The following IFNGR2 variants were observed in gnomAD, a reference collection of about 807,000 sequenced individuals.
IFNGR2 encodes the protein IFN-gamma receptor 2.
In IFNGR2, 15 loss-of-function variants were observed where a neutral mutation model predicts 41.1. That is an observed-to-expected ratio of 0.37 (90% CI 0.24 to 0.56). The LOEUF is 0.56. Ranked by LOEUF, IFNGR2 falls within the 20% of genes least tolerant of loss-of-function variation. IFNGR2 has a pLI of 0.81. For missense variants in IFNGR2, 362 were observed against 415.7 expected (o/e 0.87, Z 1.12); for synonymous variants, 161 against 171.6 (o/e 0.94, Z 0.48).
At chr21:33,436,079 C>T (rs1170810845) in intron 6 of IFNGR2, among the ~76,000 whole-genome samples, 2 of 151,356 alleles carry the variant, frequency 1.3e-5, no homozygotes, top group African/African-American at 4.9e-5. Flanking sequence ...AAATTGTTGC[C>T]GGGTGCAGTG....
chr21:33,429,329 GCA>G (rs2083865842), intron 4 of IFNGR2, among the ~76,000 whole-genome samples: 2 of 109,292 alleles, frequency 1.8e-5, no homozygotes, highest in African/African-American at 7.3e-5. Context: ...CCAGGACTCA[GCA>G]CAGAGTCACA....
Position 33,437,120 on chromosome 21 carries a change from G to T in IFNGR2, c.*158G>T. 1 of 606,448 alleles carries T rather than the reference G, an allele frequency of 1.6e-6. No individual in the cohort carries two copies. Among genetic ancestry groups the T allele is most frequent in the East Asian group, 3.0e-5 (1 of 33,868 alleles). The allele number at this position is 606,448 out of a possible 1,614,324, so 37.6% of individuals were successfully genotyped here. The stretch of plus-strand genomic sequence containing the variant: ...GAGAGACAGCAGGTCTCATGGGGGT[G>T]ACAAGCTTTTTTTTTTTTTCTTAAA... On this transcript the variant is annotated 3_prime_UTR_variant, in exon 7 of 7. Coordinates refer to ENST00000290219, the MANE Select transcript of IFNGR2 (RefSeq NM_005534.4).
Position 33,432,323 on chromosome 21 carries a change from A to T in IFNGR2, c.708A>T (p.Glu236Asp), listed in dbSNP as rs121913212. ...ATTTAAGCAACATATCTTGCTACGA[A>T]ACAATGGCAGATGGTAAAATATACC... ...VGHLSNISCY[E>D]TMADASTELQ... The change falls in exon 5 of 7, where the codon GAA (glutamate) becomes GAT (aspartate). Residue 236 changes from glutamate (E) to aspartate (D), a missense_variant. By Grantham distance (45) the Glu-to-Asp change is conservative (BLOSUM62 2). Coordinates refer to ENST00000290219, the MANE Select transcript of IFNGR2 (RefSeq NM_005534.4). 635 of 1,614,048 alleles carry T rather than the reference A, an allele frequency of 3.9e-4. 1 individual carries two copies. In the African/African-American group the frequency reaches 7.8e-3, roughly 20 times the overall value.
At chr21:33,420,496 T>C (rs2083784120) in intron 2 of IFNGR2, among the ~76,000 whole-genome samples, 1 of 152,148 alleles carries the variant, frequency 6.6e-6, no homozygotes, top group Admixed American at 6.5e-5. Context: ...GGTTTTCATA[T>C]GGGTGAGACA....
At chr21:33,430,088 G>A (rs774100615) in intron 4 of IFNGR2, among the ~76,000 whole-genome samples, 22 of 152,232 alleles carry the variant, frequency 1.4e-4, no homozygotes, top group Non-Finnish European at 2.6e-4. Flanking sequence ...GCAGTGAGTC[G>A]AGATCACACT....
At chr21:33,410,870 C>G in intron 1 of IFNGR2, 1 of 1,547,552 alleles carries the variant, frequency 6.5e-7, no homozygotes, top group Non-Finnish European at 8.7e-7. Flanking sequence ...AAGAATGGTG[C>G]AATGATTCAG....
At chr21:33,426,842 T>C in intron 3 of IFNGR2, 42 bp from the exon 4 acceptor site, 1 of 1,503,220 alleles carries the variant, frequency 6.7e-7, no homozygotes, top group Non-Finnish European at 9.3e-7. Context: ...CTATAATACA[T>C]ATGTGTATGT....
chr21:33,423,291 G>A (rs1279921699), intron 3 of IFNGR2, among the ~76,000 whole-genome samples: 4 of 151,186 alleles, frequency 2.6e-5, no homozygotes, highest in East Asian at 2.0e-4. Flanking sequence ...CGCCCGCCTC[G>A]GCCTCCCAAA....
intron 1 of IFNGR2, among the ~76,000 whole-genome samples, chr21:33,406,039 AAAAC>A (rs553148817): frequency 7.6e-4 from 115 of 152,054 alleles, no homozygotes; most frequent in Middle Eastern, 6.8e-3. Context: ...CAAAAAAACA[AAAAC>A]AAACAAATAA....
chr21:33,422,816 G>A (rs1289746752), intron 3 of IFNGR2, among the ~76,000 whole-genome samples: 1 of 137,850 alleles, frequency 7.3e-6, no homozygotes, highest in Non-Finnish European at 1.5e-5. Context: ...GGCAGAGGTT[G>A]TGGTGAGCTG....
intron 3 of IFNGR2, 88 bp from the exon 4 acceptor site, chr21:33,426,796 T>C (rs757685822): frequency 1.5e-5 from 11 of 714,812 alleles, no homozygotes; most frequent in Admixed American, 2.5e-5. Flanking sequence ...TATATATACA[T>C]ATATATATAG....
chr21:33,415,402 G>A (rs1468310829), intron 2 of IFNGR2, among the ~76,000 whole-genome samples: 1 of 152,156 alleles, frequency 6.6e-6, no homozygotes, highest in African/African-American at 2.4e-5. Context: ...ACCAAATATG[G>A]CCTGATCAGA....
chr21:33,407,652 G>C (rs937169369), intron 1 of IFNGR2, among the ~76,000 whole-genome samples: 1 of 152,230 alleles, frequency 6.6e-6, no homozygotes, highest in African/African-American at 2.4e-5. Flanking sequence ...TGGGAATGCA[G>C]TGGCGCTATC....
intron 1 of IFNGR2, among the ~76,000 whole-genome samples, chr21:33,413,170 C>A (rs73194070): frequency 0.18 from 27,903 of 152,134 alleles, 2,645 homozygotes; most frequent in Non-Finnish European, 0.21. Flanking sequence ...CTGCCACCAC[C>A]CCCCTCTGGA....
intron 6 of IFNGR2, among the ~76,000 whole-genome samples, chr21:33,435,882 C>CAAAAAA (rs35251279): frequency 4.1e-5 from 2 of 48,242 alleles, no homozygotes; most frequent in African/African-American, 9.8e-5. Context: ...GACTCCGTCT[C>CAAAAAA]AAAAAAAAAA....
At position 33,426,877 on chromosome 21, in the gene IFNGR2, T is replaced by C; in HGVS notation, c.413-7T>C. 1 of 1,613,048 alleles carries C rather than the reference T, an allele frequency of 6.2e-7. No homozygotes were observed. Among genetic ancestry groups the C allele is most frequent in the Non-Finnish European group, 8.5e-7 (1 of 1,179,420 alleles). On this transcript the variant is annotated splice_polypyrimidine_tract_variant and splice_region_variant and intron_variant, in intron 3 of 6. Coordinates refer to ENST00000290219, the MANE Select transcript of IFNGR2 (RefSeq NM_005534.4). ...TGTGTGGTTTTCTCTTTGTAATTCT[T>C]TTTCAGTGACTGTCGGGCCTCCAGA... is the stretch of plus-strand genomic sequence containing the variant.
intron 1 of IFNGR2, among the ~76,000 whole-genome samples, chr21:33,407,943 A>G (rs546073778): frequency 6.7e-6 from 1 of 150,360 alleles, no homozygotes; most frequent in East Asian, 2.0e-4. Context: ...TGAAGAGAAC[A>G]ATTTCCTGGT....
At chr21:33,409,622 C>A (rs533441634) in intron 1 of IFNGR2, among the ~76,000 whole-genome samples, 1 of 152,074 alleles carries the variant, frequency 6.6e-6, no homozygotes, top group Non-Finnish European at 1.5e-5. Flanking sequence ...TGAACTCTAC[C>A]CTCCATGCCA....
intron 1 of IFNGR2, among the ~76,000 whole-genome samples, chr21:33,412,075 C>T (rs1443525011): frequency 1.3e-5 from 2 of 152,108 alleles, no homozygotes; most frequent in South Asian, 4.1e-4. Context: ...AGGTGCGCAC[C>T]ACCACGCCCA....
Sources: allele counts gnomAD v4.1 joint callset (sites outside exome capture counted in the v4.1 genomes callset), GRCh38; gene constraint gnomAD v4.1.1; transcripts MANE v1.5; gene names NCBI Gene and HGNC (gene_info 2026-07-23, HGNC 2026-07-21).